The following PIK3C2G variants were observed in gnomAD, a reference collection of about 807,000 sequenced individuals.
PIK3C2G encodes phosphatidylinositol 3-kinase C2 domain-containing subunit gamma.
Under a neutral mutation model 181.1 loss-of-function variants are expected in PIK3C2G, and 168 were observed. The observed-to-expected ratio is 0.93, with a 90% CI of 0.82 to 1.05. PIK3C2G has a LOEUF of 1.05. Among genes scored for constraint, PIK3C2G ranks in the 50% least tolerant of loss-of-function variants. PIK3C2G has a pLI of 0.00. For missense variants in PIK3C2G, 1,869 were observed against 1,732.8 expected (o/e 1.08, Z -1.40); for synonymous variants, 573 against 592.2 (o/e 0.97, Z 0.47).
In PIK3C2G at chr12:18,267,938, A is replaced by G. The variant is rs181170026; in HGVS notation, c.-79+6361A>G. 2.0e-5 allele frequency among the ~76,000 whole-genome samples: 3 copies of G among 152,334 alleles called. No individual in the cohort carries two copies. In the East Asian group the frequency reaches 5.8e-4, roughly 29 times the overall value. On this transcript the variant is annotated intron_variant, in intron 1 of 32. Transcript: ENST00000538779. The stretch of plus-strand genomic sequence containing the variant: ...TTGCATTAATGCAAATTTTAGTCTT[A>G]GAACGCATGTAGAAAGCTAAGTGGC...
In PIK3C2G at chr12:18,520,041, G is replaced by A. The variant is rs116986291; in HGVS notation, c.3323+14580G>A. On this transcript the variant is annotated intron_variant, in intron 24 of 32. Transcript: ENST00000538779. Reference sequence around the variant, plus strand: ...AAAAAAAAAAAGAATGTTGAATATCGGCCACCCCTCTCTTCTGTCTTGTAG... The same window carrying A: ...AAAAAAAAAAAGAATGTTGAATATCAGCCACCCCTCTCTTCTGTCTTGTAG... 1.3e-4 allele frequency among the ~76,000 whole-genome samples: 20 copies of A among 149,810 alleles called. No individual in the cohort carries two copies. In the East Asian group the frequency reaches 2.8e-3, roughly 21 times the overall value.
chr12:18,503,560 C>A (rs1272256551), intron 23 of PIK3C2G, 143 bp downstream of exon 23: 1 of 523,842 alleles, frequency 1.9e-6, no homozygotes, highest in Non-Finnish European at 3.2e-6. Flanking sequence ...TTAATCAGCC[C>A]AGTTTAAATG....
chr12:18,700,005 A>T, the PIK3C2G span: 2,907 of 1,496,742 alleles, frequency 1.9e-3, 51 homozygotes, highest in African/African-American at 0.034. Flanking sequence ...GGGAAAAAAA[A>T]TTTTTTCTAG....
At chr12:18,716,476 T>A in the PIK3C2G span, among the ~76,000 whole-genome samples, 5 of 152,210 alleles carry the variant, frequency 3.3e-5, no homozygotes, top group Non-Finnish European at 5.9e-5. Flanking sequence ...AAGTTTTACC[T>A]TCTCTAATGG....
intron 24 of PIK3C2G, among the ~76,000 whole-genome samples, chr12:18,524,559 TTTTC>T (rs1210891162): frequency 6.6e-6 from 1 of 151,204 alleles, no homozygotes; most frequent in Non-Finnish European, 1.5e-5. Flanking sequence ...TGTGCCTCAG[TTTTC>T]TTTTTTTTTT....
At chr12:18,551,114 T>C (rs1034609625) in intron 26 of PIK3C2G, among the ~76,000 whole-genome samples, 3 of 152,006 alleles carry the variant, frequency 2.0e-5, no homozygotes, top group African/African-American at 7.2e-5. Context: ...GTAAAATTGG[T>C]TTGCTGGCCA....
intron 29 of PIK3C2G, among the ~76,000 whole-genome samples, chr12:18,575,488 A>G (rs1376173341): frequency 6.6e-6 from 1 of 152,152 alleles, no homozygotes; most frequent in Non-Finnish European, 1.5e-5. Flanking sequence ...CAAGTATTCT[A>G]TTATATTATT....
At position 18,262,394 on chromosome 12, in the gene PIK3C2G, G is replaced by A. The variant is rs532801701; in HGVS notation, c.-79+817G>A. Reference sequence around the variant, plus strand: ...ATCTTAGGAAACAGACTCAGAGAGCGAGGTTAAAGAACACATACCCCTCAT... The same window carrying A: ...ATCTTAGGAAACAGACTCAGAGAGCAAGGTTAAAGAACACATACCCCTCAT... On this transcript the variant is annotated intron_variant, in intron 1 of 32. Coordinates refer to ENST00000538779, the MANE Select transcript of PIK3C2G (RefSeq NM_001288772.2). Among the ~76,000 whole-genome samples, 11 of 152,130 alleles carry A rather than the reference G, an allele frequency of 7.2e-5. No homozygotes were observed. In the South Asian group the frequency reaches 8.3e-4, roughly 11 times the overall value.
chr12:18,247,412 C>T (rs1948051561), upstream of PIK3C2G, among the ~76,000 whole-genome samples: 1 of 151,950 alleles, frequency 6.6e-6, no homozygotes, highest in Admixed American at 6.6e-5. Flanking sequence ...CAGACACACA[C>T]CAAGAGTTTA....
At chr12:18,545,481 G>A (rs975387356) in intron 25 of PIK3C2G, among the ~76,000 whole-genome samples, 1 of 151,010 alleles carries the variant, frequency 6.6e-6, no homozygotes, top group Non-Finnish European at 1.5e-5. Context: ...TATCATCTTA[G>A]TCATAGAAGT....
Position 18,621,980 on chromosome 12 carries a change from ATAT to A in PIK3C2G, c.4182+12355_4182+12357del, listed in dbSNP as rs1211105270. ...TATGGGGGACATAAATACAAAAGTGATATTATGATTTTTTAATACAACGTGGAA... is the reference window on the plus strand; with the variant it reads ...TATGGGGGACATAAATACAAAAGTGATATGATTTTTTAATACAACGTGGAA... On this transcript the variant is annotated intron_variant, in intron 31 of 32. Transcript: ENST00000538779. Among the ~76,000 whole-genome samples, 7 of 151,946 alleles carry A rather than the reference ATAT, an allele frequency of 4.6e-5. No homozygotes were observed. In the East Asian group the frequency reaches 1.2e-3, roughly 25 times the overall value.
At position 18,530,283 on chromosome 12, in the gene PIK3C2G, A is replaced by C. The variant is rs747989730; in HGVS notation, c.3324-7873A>C. 3.0e-4 allele frequency among the ~76,000 whole-genome samples: 45 copies of C among 152,180 alleles called. 1 individual carries two copies. The highest frequency in any genetic ancestry group is 3.7e-4 in the Non-Finnish European group (25 of 68,028). The stretch of plus-strand genomic sequence containing the variant: ...AGACCTGTTTTTCCCTTCTGAAGTC[A>C]GTCCTTCCATCTGTGCTTTGAAGCC... On this transcript the variant is annotated intron_variant, in intron 24 of 32. Coordinates refer to ENST00000538779, the MANE Select transcript of PIK3C2G (RefSeq NM_001288772.2).
At chr12:18,341,989 A>G (rs1170573127) in intron 9 of PIK3C2G, among the ~76,000 whole-genome samples, 2 of 152,102 alleles carry the variant, frequency 1.3e-5, no homozygotes, top group Admixed American at 6.6e-5. Flanking sequence ...ACTGGAAACA[A>G]TTTGCATCCT....
intron 16 of PIK3C2G, among the ~76,000 whole-genome samples, chr12:18,404,620 A>C (rs1488903966): frequency 6.6e-6 from 1 of 152,214 alleles, no homozygotes; most frequent in Non-Finnish European, 1.5e-5. Context: ...CATTCCAAGA[A>C]GGAAGACTAG....
At chr12:18,421,891 G>A (rs955025638) in intron 17 of PIK3C2G, among the ~76,000 whole-genome samples, 1 of 151,960 alleles carries the variant, frequency 6.6e-6, no homozygotes, top group Admixed American at 6.6e-5. Flanking sequence ...TGACTGCACA[G>A]AGATTATGAA....
the PIK3C2G span, chr12:18,699,879 G>A: frequency 6.2e-7 from 1 of 1,612,682 alleles, no homozygotes; most frequent in Admixed American, 1.7e-5. Flanking sequence ...AATGTTGAAA[G>A]CTTTTGAATT....
chr12:18,258,912 A>G (rs1208598597), upstream of PIK3C2G, among the ~76,000 whole-genome samples: 1 of 152,194 alleles, frequency 6.6e-6, no homozygotes, highest in Non-Finnish European at 1.5e-5. Context: ...CTTAAAGTGA[A>G]TGAATAAGCA....
the PIK3C2G span, among the ~76,000 whole-genome samples, chr12:18,659,149 A>G: frequency 6.6e-6 from 1 of 152,108 alleles, no homozygotes; most frequent in Admixed American, 6.5e-5. Flanking sequence ...ATAAACAGTA[A>G]CCATAATTCT....
chr12:18,696,079 T>A, the PIK3C2G span: 1 of 876,736 alleles, frequency 1.1e-6, no homozygotes, highest in Non-Finnish European at 1.8e-6. Flanking sequence ...TTCACGAGTT[T>A]TTCATACATT....
Sources: allele counts gnomAD v4.1 joint callset (sites outside exome capture counted in the v4.1 genomes callset), GRCh38; gene constraint gnomAD v4.1.1; transcripts MANE v1.5; gene names NCBI Gene and HGNC (gene_info 2026-07-23, HGNC 2026-07-21).